The following NEBL variants were observed in gnomAD, a reference collection of about 807,000 sequenced individuals.
The protein encoded by NEBL is LIM and SH3 protein 2.
Under a neutral mutation model 140.2 loss-of-function variants are expected in NEBL, and 122 were observed. The observed-to-expected ratio is 0.87, with a 90% CI of 0.75 to 1.01. The LOEUF (loss-of-function observed/expected upper bound fraction) is 1.01. NEBL is among the 50% of genes least tolerant of loss of function. NEBL has a pLI of 0.00. For missense variants in NEBL, 1,365 were observed against 1,231.3 expected, an observed-to-expected ratio of 1.11 and a Z score of -1.62; for synonymous variants, 436 against 398.9, an observed-to-expected ratio of 1.09 and a Z score of -1.11.
intron 2 of NEBL, among the ~76,000 whole-genome samples, chr10:21,066,822 T>TCTTA (rs45558231): frequency 0.56 from 84,916 of 151,450 alleles, 26,318 homozygotes; most frequent in Non-Finnish European, 0.67. Flanking sequence ...TACATTGTTC[T>TCTTA]GCGGTTTTTC....
intron 2 of NEBL, among the ~76,000 whole-genome samples, chr10:21,068,353 C>G (rs896904554): frequency 5.3e-5 from 8 of 152,162 alleles, no homozygotes; most frequent in Non-Finnish European, 1.2e-4. Context: ...TACACCAGTC[C>G]TTTTGGTTTG....
At chr10:21,003,858 G>A (rs1057399006) in intron 3 of NEBL, among the ~76,000 whole-genome samples, 2 of 152,092 alleles carry the variant, frequency 1.3e-5, no homozygotes, top group Admixed American at 6.5e-5. Context: ...TAAATTTCTT[G>A]GGGAAGAAAT....
At chr10:20,932,989 C>A (rs1834270782) in intron 4 of NEBL, among the ~76,000 whole-genome samples, 1 of 152,122 alleles carries the variant, frequency 6.6e-6, no homozygotes, top group African/African-American at 2.4e-5. Context: ...TATGAAATAT[C>A]CAATTGCATA....
Position 21,252,198 on chromosome 10 carries a change from T to C in NEBL, n.183-370A>G, listed in dbSNP as rs563863874. Among the ~76,000 whole-genome samples the C allele has an allele frequency of 2.2e-4, 34 of 152,388 alleles. No homozygotes were observed. In the East Asian group the frequency reaches 6.2e-3, roughly 28 times the overall value. ...CACTTCCTCTATTACAGTCTGGTTTTCAATAGTCTTGCTGTGGACTCAAAT... is the reference window on the plus strand; with the variant it reads ...CACTTCCTCTATTACAGTCTGGTTTCCAATAGTCTTGCTGTGGACTCAAAT... On this transcript the variant is annotated intron_variant and non_coding_transcript_variant, in intron 1 of 8. Transcript: ENST00000675702.
intron 1 of NEBL, among the ~76,000 whole-genome samples, chr10:21,260,921 G>A (rs12245111): frequency 0.024 from 3,594 of 152,260 alleles, 49 homozygotes; most frequent in Middle Eastern, 0.061. Context: ...AGGCGCTCTC[G>A]ATACTTAAAC....
intron 2 of NEBL, among the ~76,000 whole-genome samples, chr10:21,132,769 G>T (rs780492641): frequency 6.6e-6 from 1 of 152,082 alleles, no homozygotes; most frequent in African/African-American, 2.4e-5. Flanking sequence ...TTTATTGACC[G>T]TGAATCTTCT....
At chr10:20,871,628 C>A (rs1012804792) in intron 5 of NEBL, among the ~76,000 whole-genome samples, 3 of 152,096 alleles carry the variant, frequency 2.0e-5, no homozygotes, top group Non-Finnish European at 2.9e-5. Context: ...ATGAATCTGT[C>A]TGACAAGTGA....
chr10:21,215,341 A>T (rs771250464), intron 3 of NEBL, among the ~76,000 whole-genome samples: 3 of 152,146 alleles, frequency 2.0e-5, no homozygotes, highest in Non-Finnish European at 4.4e-5. Flanking sequence ...ATCTGCACAA[A>T]TGAAGAATAT....
intron 21 of NEBL, 136 bp from the exon 22 acceptor site, chr10:20,815,853 C>CAGGCT: frequency 1.4e-6 from 1 of 702,054 alleles, no homozygotes; most frequent in Non-Finnish European, 2.5e-6. Flanking sequence ...ACCACAGCCT[C>CAGGCT]GATCTCCCAG....
chr10:20,986,768 C>T lies in NEBL; in HGVS notation c.250-24989G>A, dbSNP rs925876349. ...TGAGTATGAATTTCTATGATAGATC[C>T]TAAATAAAACTTGAAAATGTAAAAT... On this transcript the variant is annotated intron_variant, in intron 3 of 6. Transcript: ENST00000417816. Among the ~76,000 whole-genome samples the T allele has an allele frequency of 2.6e-5, 4 of 152,034 alleles. No individual in the cohort carries two copies. The South Asian group carries it at 8.3e-4, about 32-fold the overall frequency.
chr10:21,152,668 A>C (rs1840189646), intron 2 of NEBL, among the ~76,000 whole-genome samples: 1 of 152,200 alleles, frequency 6.6e-6, no homozygotes. Context: ...TATTCTGCCC[A>C]ATTGTACATC....
chr10:21,230,707 C>T (rs1842237140), intron 3 of NEBL, among the ~76,000 whole-genome samples: 1 of 151,426 alleles, frequency 6.6e-6, no homozygotes, highest in Non-Finnish European at 1.5e-5. Context: ...TGGGTTCAAG[C>T]GTTTCTCCTG....
At chr10:21,237,560 G>T (rs1272778718) in intron 3 of NEBL, among the ~76,000 whole-genome samples, 1 of 151,782 alleles carries the variant, frequency 6.6e-6, no homozygotes, top group Non-Finnish European at 1.5e-5. Flanking sequence ...TTGACATCTG[G>T]TCTTCCTTGG....
At chr10:21,172,287 G>A (rs1380984135) in intron 2 of NEBL, 2 of 950,676 alleles carry the variant, frequency 2.1e-6, no homozygotes, top group East Asian at 4.9e-5. Flanking sequence ...CCACACCTGG[G>A]TGACACAGTG....
chr10:20,987,155 G>A (rs12268357), intron 3 of NEBL, among the ~76,000 whole-genome samples: 49 of 151,216 alleles, frequency 3.2e-4, no homozygotes, highest in African/African-American at 9.4e-4. Flanking sequence ...TGTACCGACC[G>A]TTATGGGTAA....
At chr10:20,963,111 G>T (rs1028358077) in intron 3 of NEBL, among the ~76,000 whole-genome samples, 6 of 150,458 alleles carry the variant, frequency 4.0e-5, no homozygotes, top group African/African-American at 1.2e-4. Context: ...CTGTACTTTC[G>T]ATTTGTAAAA....
chr10:21,106,635 G>C (rs1375783355), intron 2 of NEBL, among the ~76,000 whole-genome samples: 9 of 152,102 alleles, frequency 5.9e-5, no homozygotes, highest in Non-Finnish European at 1.3e-4. Flanking sequence ...CTCCCACTTT[G>C]TTCTTTTTGC....
intron 2 of NEBL, among the ~76,000 whole-genome samples, chr10:21,076,319 C>T (rs1836073898): frequency 6.6e-6 from 1 of 151,748 alleles, no homozygotes; most frequent in Admixed American, 6.6e-5. Context: ...GTGGTGCACA[C>T]CTGTAATCCC....
rs371780063 is a variant in NEBL at position 20,897,117 on chromosome 10, T to C, written c.81+8A>G. ...AACGCTGGTCTGAGTATGTGTTTTC[T>C]CACTCACCTGGTCTTCTTCATTTTC... is the stretch of plus-strand genomic sequence containing the variant. On this transcript the variant is annotated splice_region_variant and intron_variant, in intron 1 of 27. Coordinates refer to ENST00000377122, the MANE Select transcript of NEBL (RefSeq NM_006393.3). 5 of 1,592,182 alleles carry C rather than the reference T, an allele frequency of 3.1e-6. No individual in the cohort carries two copies. In the African/African-American group the frequency reaches 6.7e-5, roughly 21 times the overall value.
Sources: gnomAD v4.1 joint callset for allele counts (sites outside exome capture counted in the v4.1 genomes callset) on GRCh38, gnomAD v4.1.1 for gene constraint, MANE v1.5 for transcripts, NCBI Gene and HGNC (gene_info 2026-07-23, HGNC 2026-07-21) for gene names.